The following GPC6 variants were observed in gnomAD, a reference collection of about 807,000 sequenced individuals.
The protein encoded by GPC6 is glypican 6.
Under a neutral mutation model 55.2 loss-of-function variants are expected in GPC6, and 14 were observed. The ratio of observed to expected loss-of-function variants is 0.25; its 90% CI spans 0.17 to 0.40. The LOEUF (loss-of-function observed/expected upper bound fraction) is 0.40. Among genes scored for constraint, GPC6 ranks in the 10% least tolerant of loss-of-function variants. GPC6 has a pLI of 1.00. For missense variants in GPC6, 641 were observed against 708.5 expected (o/e 0.90, Z 1.08); for synonymous variants, 278 against 259.6 (o/e 1.07, Z -0.68).
At chr13:93,445,692 G>C (rs12866847) in intron 1 of GPC6, among the ~76,000 whole-genome samples, 7,671 of 152,282 alleles carry the variant, frequency 0.05, 283 homozygotes, top group Non-Finnish European at 0.076. Flanking sequence ...ATGTGAACTT[G>C]TTAATGGGAT....
chr13:93,913,270 G>A (rs79324942), intron 3 of GPC6, among the ~76,000 whole-genome samples: 2,022 of 152,310 alleles, frequency 0.013, 39 homozygotes, highest in African/African-American at 0.046. Flanking sequence ...CCAAAGGCGA[G>A]GAATGTGCCG....
intron 2 of GPC6, among the ~76,000 whole-genome samples, chr13:93,693,437 A>ATG (rs1336732546): frequency 2.0e-4 from 13 of 64,354 alleles, no homozygotes; most frequent in African/African-American, 4.4e-4. Context: ...ATATGGAGAT[A>ATG]TATGTGTGTG....
At chr13:94,105,082 G>A (rs914785407) in intron 4 of GPC6, among the ~76,000 whole-genome samples, 1 of 152,156 alleles carries the variant, frequency 6.6e-6, no homozygotes, top group African/African-American at 2.4e-5. Context: ...TTTCTTAAGG[G>A]TAGAACTGAA....
chr13:93,989,508 TCACAGTGACTTTCTAGAA>T (rs1177325292), intron 3 of GPC6, among the ~76,000 whole-genome samples: 1 of 152,140 alleles, frequency 6.6e-6, no homozygotes, highest in Non-Finnish European at 1.5e-5. Flanking sequence ...CCTCAGCCAT[TCACAGTGACTTTCTAGAA>T]CACAGTTTTT....
At chr13:94,089,024 C>T (rs1885387194) in intron 4 of GPC6, among the ~76,000 whole-genome samples, 1 of 152,066 alleles carries the variant, frequency 6.6e-6, no homozygotes, top group African/African-American at 2.4e-5. Context: ...CAGGCTTAAT[C>T]GGTTTTATGC....
At chr13:93,229,764 A>G (rs7993454) in intron 1 of GPC6, among the ~76,000 whole-genome samples, 6,360 of 152,040 alleles carry the variant, frequency 0.042, 233 homozygotes, top group Admixed American at 0.09. Flanking sequence ...GCATACTGTT[A>G]ACTTTGCTTT....
At chr13:94,034,008 CTT>C (rs889456695) in intron 4 of GPC6, among the ~76,000 whole-genome samples, 1 of 152,078 alleles carries the variant, frequency 6.6e-6, no homozygotes, top group African/African-American at 2.4e-5. Flanking sequence ...CCAGGAAAGA[CTT>C]TTTTAAAAAA....
At chr13:93,427,762 G>C (rs17267711) in intron 1 of GPC6, among the ~76,000 whole-genome samples, 31,332 of 152,048 alleles carry the variant, frequency 0.21, 3,424 homozygotes, top group Middle Eastern at 0.28. Context: ...AGCCTCATAA[G>C]CACACACAAT....
At chr13:93,281,638 A>T (rs749554643) in intron 1 of GPC6, among the ~76,000 whole-genome samples, 1 of 152,090 alleles carries the variant, frequency 6.6e-6, no homozygotes, top group Non-Finnish European at 1.5e-5. Flanking sequence ...ACCTGGTGAA[A>T]CCCTGTCTGT....
chr13:93,995,993 G>A (rs901360035), intron 3 of GPC6, among the ~76,000 whole-genome samples: 5 of 152,174 alleles, frequency 3.3e-5, no homozygotes, highest in Non-Finnish European at 5.9e-5. Context: ...ATTGTTTCCA[G>A]AAGATAGTTA....
intron 1 of GPC6, among the ~76,000 whole-genome samples, 177 bp from the exon 2 acceptor site, chr13:93,545,086 T>C (rs935179706): frequency 1.3e-5 from 2 of 152,168 alleles, no homozygotes; most frequent in Non-Finnish European, 2.9e-5. Context: ...TAAGTCAACA[T>C]GTTTGGAATG....
chr13:94,002,975 T>G (rs1017951911), intron 3 of GPC6, among the ~76,000 whole-genome samples: 11 of 152,196 alleles, frequency 7.2e-5, no homozygotes, highest in African/African-American at 2.7e-4. Context: ...ATTGTTCAGA[T>G]TCAGACAGTT....
intron 4 of GPC6, among the ~76,000 whole-genome samples, chr13:94,098,141 T>TA (rs146984295): frequency 6.6e-6 from 1 of 152,364 alleles, no homozygotes; most frequent in African/African-American, 2.4e-5. Context: ...AGAAATGTAA[T>TA]ATGGAAACTC....
chr13:93,318,668 C>G (rs1278340680), intron 1 of GPC6, among the ~76,000 whole-genome samples: 1 of 151,888 alleles, frequency 6.6e-6, no homozygotes, highest in Non-Finnish European at 1.5e-5. Context: ...AAGTTGCATA[C>G]CTAGTGCTTG....
intron 2 of GPC6, among the ~76,000 whole-genome samples, chr13:93,828,703 T>C (rs1887366192): frequency 6.6e-6 from 1 of 152,166 alleles, no homozygotes; most frequent in Admixed American, 6.6e-5. Context: ...AGCAACAGAA[T>C]GTCTATTTAA....
intron 1 of GPC6, among the ~76,000 whole-genome samples, chr13:93,544,670 A>G (rs1874676663): frequency 6.6e-6 from 1 of 152,208 alleles, no homozygotes; most frequent in Admixed American, 6.5e-5. Context: ...ATTTCCTTAT[A>G]ACGTAAGCAT....
chr13:93,540,114 G>A (rs1158947720), intron 1 of GPC6, among the ~76,000 whole-genome samples: 1 of 152,090 alleles, frequency 6.6e-6, no homozygotes, highest in Non-Finnish European at 1.5e-5. Flanking sequence ...TTGGTATTCT[G>A]TGAGAATGTT....
chr13:93,973,225 A>C (rs1367438873), intron 3 of GPC6, among the ~76,000 whole-genome samples: 1 of 152,212 alleles, frequency 6.6e-6, no homozygotes, highest in Non-Finnish European at 1.5e-5. Flanking sequence ...GCAGCATGTG[A>C]CTGTGCTGAA....
At chr13:93,537,073 T>C (rs908366960) in intron 1 of GPC6, among the ~76,000 whole-genome samples, 2 of 152,174 alleles carry the variant, frequency 1.3e-5, no homozygotes, top group Admixed American at 1.3e-4. Flanking sequence ...GCTTAGACTT[T>C]GTGATGTGAA....
Sources: allele counts gnomAD v4.1 joint callset (sites outside exome capture counted in the v4.1 genomes callset), GRCh38; gene constraint gnomAD v4.1.1; transcripts MANE v1.5; gene names NCBI Gene and HGNC (gene_info 2026-07-23, HGNC 2026-07-21).